ABCB4: variants seen among roughly 807,000 people sequenced by gnomAD.
ABCB4 encodes phosphatidylcholine translocator ABCB4.
Under a neutral mutation model 145.7 loss-of-function variants are expected in ABCB4, and 76 were observed. The observed-to-expected ratio is 0.52, with a 90% CI of 0.43 to 0.63. The LOEUF (loss-of-function observed/expected upper bound fraction) is 0.63, where lower values mean the gene tolerates loss of function less well. Among genes scored for constraint, ABCB4 ranks in the 30% least tolerant of loss-of-function variants. The probability of loss-of-function intolerance (pLI) is 0.00; values close to 1 mark genes in which losing one functional copy is unlikely to be tolerated. For synonymous variants in ABCB4, 517 were observed against 566.8 expected, an observed-to-expected ratio of 0.91 and a Z score of 1.25; for missense variants, 1,234 against 1,553.1, an observed-to-expected ratio of 0.79 and a Z score of 3.45.
At chr7:87,405,160 C>A (rs769211319) in intron 26 of ABCB4, among the ~76,000 whole-genome samples, 1 of 152,216 alleles carries the variant, frequency 6.6e-6, no homozygotes, top group Non-Finnish European at 1.5e-5. Context: ...GGTACATCCA[C>A]ACTGTGGAAT....
rs1475456972 is a variant in ABCB4, at chr7:87,409,398, C to T, written c.2925-6G>A. The T allele has an allele frequency of 6.2e-7, 1 of 1,613,832 alleles. No individual in the cohort carries two copies. Among genetic ancestry groups the T allele is most frequent in the Non-Finnish European group, 8.5e-7 (1 of 1,179,872 alleles). On this transcript the variant is annotated splice_polypyrimidine_tract_variant and splice_region_variant and intron_variant, in intron 23 of 27. Transcript: ENST00000649586. ...ATACAATTGCAGAAAACACCCTAGACAGAAGTAGAGGAATTCAAAAATTAG... is the reference window on the plus strand; with the variant it reads ...ATACAATTGCAGAAAACACCCTAGATAGAAGTAGAGGAATTCAAAAATTAG...
At chr7:87,393,716 A>C in the ABCB4 span, among the ~76,000 whole-genome samples, 1 of 152,328 alleles carries the variant, frequency 6.6e-6, no homozygotes, top group African/African-American at 2.4e-5. Flanking sequence ...ATTTAGCACT[A>C]TGTGAATAAG....
chr7:87,373,954 A>G, the ABCB4 span, among the ~76,000 whole-genome samples: 17 of 152,116 alleles, frequency 1.1e-4, no homozygotes, highest in African/African-American at 4.1e-4. Context: ...ATAATGAGGA[A>G]AATTAGACTT....
intron 15 of ABCB4, 38 bp from the exon 16 acceptor site, chr7:87,426,958 T>C (rs1309655875): frequency 6.6e-7 from 1 of 1,507,696 alleles, no homozygotes; most frequent in South Asian, 1.1e-5. Flanking sequence ...TGTGTGTGTG[T>C]GTGTGTGTGT....
At chr7:87,443,572 CATAAGTATCAAA>C (rs1323084813) in intron 11 of ABCB4, 79 bp downstream of exon 11, 72 of 1,522,798 alleles carry the variant, frequency 4.7e-5, no homozygotes, top group Non-Finnish European at 6.4e-5. Context: ...GGAAAAGGCA[CATAAGTATCAAA>C]ATAATAGAGA....
chr7:87,475,570 T>C, intron 1 of ABCB4, 64 bp downstream of exon 1: 1 of 1,171,996 alleles, frequency 8.5e-7, no homozygotes, highest in Non-Finnish European at 1.2e-6. Flanking sequence ...GTCCGGCCAC[T>C]CCCGCCCCGC....
chr7:87,434,335 T>A (rs1473908428), intron 14 of ABCB4, among the ~76,000 whole-genome samples: 2 of 151,834 alleles, frequency 1.3e-5, no homozygotes, highest in East Asian at 3.9e-4. Flanking sequence ...TTTAAAAGAG[T>A]CAAAATACAA....
At chr7:87,405,480 G>A (rs1584669761) in intron 26 of ABCB4, among the ~76,000 whole-genome samples, 2 of 147,618 alleles carry the variant, frequency 1.4e-5, no homozygotes, top group Admixed American at 1.4e-4. Context: ...AGGCTGGAGT[G>A]CAATGGTGTG....
intron 16 of ABCB4, 114 bp downstream of exon 16, chr7:87,426,636 A>G (rs192368156): frequency 4.9e-5 from 51 of 1,050,566 alleles, no homozygotes; most frequent in Non-Finnish European, 4.3e-6. Context: ...TACAAAGAGT[A>G]TGGCTCATAG....
rs45510394 is a variant in ABCB4, at chr7:87,450,854, G to C, written c.709-762C>G. On this transcript the variant is annotated intron_variant, in intron 7 of 27. Transcript: ENST00000649586. ...GCAAAGGAAGAATCAAAACAAAAGA[G>C]ATACAGGTAGTTCACTGTGTAAATC... is the stretch of plus-strand genomic sequence containing the variant. Among the ~76,000 whole-genome samples the C allele has an allele frequency of 6.6e-3, 1,006 of 152,256 alleles. 12 individuals are homozygous for C. The highest frequency in any genetic ancestry group is 0.023 in the African/African-American group (945 of 41,556).
At chr7:87,424,606 C>T (rs934306160) in intron 16 of ABCB4, among the ~76,000 whole-genome samples, 10 of 152,278 alleles carry the variant, frequency 6.6e-5, no homozygotes, top group African/African-American at 2.4e-4. Flanking sequence ...TACCATATTT[C>T]CAACTCACAA....
At chr7:87,407,461 CTGTCATGGG>C (rs1584674548) in intron 25 of ABCB4, among the ~76,000 whole-genome samples, 3 of 152,330 alleles carry the variant, frequency 2.0e-5, no homozygotes, top group Admixed American at 6.5e-5. Context: ...TCCCAGGGCT[CTGTCATGGG>C]TGCTGTCCCA....
intron 4 of ABCB4, among the ~76,000 whole-genome samples, chr7:87,455,984 C>T (rs576046731): frequency 9.2e-5 from 14 of 152,288 alleles, no homozygotes; most frequent in Non-Finnish European, 1.8e-4. Flanking sequence ...GTGAAATTTC[C>T]GATTATTAAT....
chr7:87,394,553 T>C, the ABCB4 span, among the ~76,000 whole-genome samples: 6 of 31,454 alleles, frequency 1.9e-4, no homozygotes, highest in African/African-American at 9.3e-4. Flanking sequence ...ATAAGTACTA[T>C]TTAAAAAAAA....
At chr7:87,391,650 A>C in the ABCB4 span, 9 of 1,611,810 alleles carry the variant, frequency 5.6e-6, no homozygotes, top group Non-Finnish European at 7.6e-6. Flanking sequence ...TACAGAGACT[A>C]TGCGATCATG....
chr7:87,368,502 C>A, the ABCB4 span, among the ~76,000 whole-genome samples: 10 of 152,166 alleles, frequency 6.6e-5, no homozygotes, highest in African/African-American at 2.4e-4. Context: ...TCCCCTAGGT[C>A]TTGAGGAAAT....
chr7:87,391,551 T>G, the ABCB4 span: 1 of 1,572,020 alleles, frequency 6.4e-7, no homozygotes, highest in Non-Finnish European at 8.6e-7. Flanking sequence ...TAGAGCATTT[T>G]CTTTCTTATG....
chr7:87,367,690 G>C, the ABCB4 span, among the ~76,000 whole-genome samples: 28 of 152,132 alleles, frequency 1.8e-4, no homozygotes, highest in African/African-American at 6.5e-4. Flanking sequence ...CTCTTGCTTA[G>C]TCAAGAAACT....
Position 87,413,654 on chromosome 7 carries a change from C to G in ABCB4, c.2746G>C (p.Glu916Gln), listed in dbSNP as rs1335756221. 6.2e-7 allele frequency: 1 copy of G among 1,612,466 alleles called. No homozygotes were observed. Among genetic ancestry groups the G allele is most frequent in the Admixed American group, 1.7e-5 (1 of 60,012 alleles). The change falls in exon 22 of 28, where the codon GAA becomes CAA. Residue 916 changes from glutamate (E) to glutamine (Q), a missense_variant. Glu to Gln is a conservative substitution (Grantham distance 29). Around this residue, in one of 7 missense-constraint regions of ABCB4, gnomAD observed 301 missense variants for 389.0 expected, o/e 0.77. Coordinates refer to ENST00000649586, the MANE Select transcript of ABCB4 (RefSeq NM_000443.4). ...VVSLTQERKF[E>Q]SMYVEKLYGP... is the part of the protein sequence containing the mutation. ...TACAATTTTTCAACATACATTGATT[C>G]AAATTTTCTTTCCTGGGTCAAAGAC...
Sources: gnomAD v4.1 joint callset for allele counts (sites outside exome capture counted in the v4.1 genomes callset) on GRCh38, gnomAD v4.1.1 for gene constraint, gnomAD v4.1.1 regional missense constraint, MANE v1.5 for transcripts, NCBI Gene and HGNC (gene_info 2026-07-23, HGNC 2026-07-21) for gene names.